Variants in TNFAIP8L3 observed in about 807,000 individuals in gnomAD.
TNFAIP8L3 encodes tumor necrosis factor alpha-induced protein 8-like protein 3.
In TNFAIP8L3, 7 loss-of-function variants were observed where a neutral mutation model predicts 11.8. The observed-to-expected ratio is 0.59, with a 90% CI of 0.34 to 1.11. The LOEUF (loss-of-function observed/expected upper bound fraction) is 1.11. Ranked by LOEUF, TNFAIP8L3 falls within the 50% of genes most tolerant of loss-of-function variation. The probability of loss-of-function intolerance (pLI) is 0.03; values close to 1 mark genes in which losing one functional copy is unlikely to be tolerated. For missense variants in TNFAIP8L3, 219 were observed against 258.6 expected (o/e 0.85, Z 1.05); for synonymous variants, 98 against 103.8 (o/e 0.94, Z 0.34).
chr15:51,078,320 G>C (rs1274404104), intron 1 of TNFAIP8L3, among the ~76,000 whole-genome samples: 1 of 150,886 alleles, frequency 6.6e-6, no homozygotes, highest in African/African-American at 2.4e-5. Flanking sequence ...TCTAAAGGCT[G>C]TTTCCGGGGG....
intron 1 of TNFAIP8L3, among the ~76,000 whole-genome samples, chr15:51,064,990 T>C (rs2065261182): frequency 6.6e-6 from 1 of 152,216 alleles, no homozygotes; most frequent in Non-Finnish European, 1.5e-5. Flanking sequence ...CTAGGAAAGC[T>C]CTTTTGGCCA....
At chr15:51,082,883 A>C (rs545938264) in intron 1 of TNFAIP8L3, among the ~76,000 whole-genome samples, 3 of 152,352 alleles carry the variant, frequency 2.0e-5, no homozygotes, top group Admixed American at 2.0e-4. Context: ...TATCACGTCC[A>C]AAATATCATT....
At chr15:51,096,031 AGAAT>A (rs1458433696), upstream of TNFAIP8L3, among the ~76,000 whole-genome samples, 1 of 152,244 alleles carries the variant, frequency 6.6e-6, no homozygotes, top group Non-Finnish European at 1.5e-5. Context: ...GCAAGTTCAT[AGAAT>A]TCAACTTATT....
chr15:51,079,428 T>A (rs1045346171), intron 1 of TNFAIP8L3, among the ~76,000 whole-genome samples: 46 of 152,240 alleles, frequency 3.0e-4, no homozygotes, highest in Admixed American at 6.5e-5. Flanking sequence ...GGCTTATTTA[T>A]CTGGGCAACT....
intron 1 of TNFAIP8L3, among the ~76,000 whole-genome samples, chr15:51,064,105 T>C (rs2065255893): frequency 6.6e-6 from 1 of 152,162 alleles, no homozygotes; most frequent in African/African-American, 2.4e-5. Context: ...GGAACCCAAA[T>C]GTTATGGACC....
At position 51,094,140 on chromosome 15, in the gene TNFAIP8L3, C is replaced by T. The variant is rs965102813; in HGVS notation, c.52+404G>A. The stretch of plus-strand genomic sequence containing the variant: ...CCCCAGTCACGTTCTTGGACCCAGT[C>T]ACCTGCGCCGCAGCGCAGTCCCGGC... On this transcript the variant is annotated intron_variant, in intron 1 of 1. Coordinates refer to ENST00000637513, the MANE Select transcript of TNFAIP8L3 (RefSeq NM_001311175.2). This position sits in a 1 kb window ranked among gnomAD's most constrained non-coding sequence, Gnocchi z 4.4. 6.6e-6 allele frequency among the ~76,000 whole-genome samples: 1 copy of T among 152,226 alleles called. No homozygotes were observed. The highest frequency in any genetic ancestry group is 6.5e-5 in the Admixed American group (1 of 15,290).
chr15:51,078,605 T>A (rs1250382532), intron 1 of TNFAIP8L3, among the ~76,000 whole-genome samples: 1 of 151,992 alleles, frequency 6.6e-6, no homozygotes, highest in Non-Finnish European at 1.5e-5. Context: ...CTGCCCCGCA[T>A]GTTCCCCAGT....
At chr15:51,089,630 A>G (rs1225066927) in intron 1 of TNFAIP8L3, among the ~76,000 whole-genome samples, 3 of 152,206 alleles carry the variant, frequency 2.0e-5, no homozygotes, top group African/African-American at 7.2e-5. Flanking sequence ...AAAACAAAAC[A>G]AAACACTGAG....
At chr15:51,069,605 A>G (rs1186154593) in intron 1 of TNFAIP8L3, 1 of 152,228 alleles carries the variant, frequency 6.6e-6, no homozygotes, top group Non-Finnish European at 1.5e-5. Context: ...GCACTGAGCA[A>G]TCTGTAACTC....
exon 1 of TNFAIP8L3, chr15:51,105,073 G>A (rs541768853): frequency 6.2e-7 from 1 of 1,614,176 alleles, no homozygotes; most frequent in African/African-American, 1.3e-5. Flanking sequence ...GGCATCCCTT[G>A]TGCCTTGGGT....
At position 51,094,781 on chromosome 15, in the gene TNFAIP8L3, C is replaced by G. The variant is rs1187466392; in HGVS notation, c.-186G>C. ...CGCAGAGGCGAGCGCCGCCGCGCCCCGCTCCCCGCGCCCGCCGGCCGGTGC... is the reference window on the plus strand; with the variant it reads ...CGCAGAGGCGAGCGCCGCCGCGCCCGGCTCCCCGCGCCCGCCGGCCGGTGC... On this transcript the variant is annotated 5_prime_UTR_variant, in exon 1 of 2. Coordinates refer to ENST00000637513, the MANE Select transcript of TNFAIP8L3 (RefSeq NM_001311175.2). This position sits in a 1 kb window ranked among gnomAD's most constrained non-coding sequence, Gnocchi z 4.4. 2.3e-6 allele frequency: 2 copies of G among 853,072 alleles called. No homozygotes were observed. The highest frequency in any genetic ancestry group is 1.8e-5 in the African/African-American group (1 of 54,136). The allele number at this position is 853,072 out of a possible 1,614,324, so 52.8% of individuals were successfully genotyped here. A position where few individuals can be genotyped will look rare whatever the true frequency, so the allele number is the denominator to read the frequency against.
chr15:51,080,042 A>T (rs1214009449), intron 1 of TNFAIP8L3, among the ~76,000 whole-genome samples: 1 of 152,094 alleles, frequency 6.6e-6, no homozygotes, highest in African/African-American at 2.4e-5. Flanking sequence ...TTACATGCTT[A>T]CACTGTTAAT....
chr15:51,089,044 G>A (rs1261570184), intron 1 of TNFAIP8L3, among the ~76,000 whole-genome samples: 2 of 152,216 alleles, frequency 1.3e-5, no homozygotes, highest in African/African-American at 4.8e-5. Flanking sequence ...AACTGAGGCT[G>A]TTGGGTCTAC....
intron 1 of TNFAIP8L3, among the ~76,000 whole-genome samples, chr15:51,074,322 T>C (rs367576768): frequency 1.3e-5 from 2 of 152,264 alleles, no homozygotes; most frequent in East Asian, 1.9e-4. Context: ...ACTACATCAT[T>C]GTTTTTTGAC....
chr15:51,074,037 A>G (rs2065332312), intron 1 of TNFAIP8L3, among the ~76,000 whole-genome samples: 1 of 152,228 alleles, frequency 6.6e-6, no homozygotes. Flanking sequence ...ATGCATATGT[A>G]TTTACTATAC....
chr15:51,087,147 C>T lies in TNFAIP8L3; in HGVS notation c.52+7397G>A, dbSNP rs1411743268. ...CCTCCCAAAGTGCTGGGATTACAGG[C>T]GTGAGCCACTGCACCCAGCTCACAA... On this transcript the variant is annotated intron_variant, in intron 1 of 1. Transcript: ENST00000637513. 3.4e-4 allele frequency among the ~76,000 whole-genome samples: 51 copies of T among 152,186 alleles called. 1 individual carries two copies. The highest frequency in any genetic ancestry group is 3.1e-3 in the Admixed American group (48 of 15,286).
At chr15:51,101,408 G>A (rs533072044) in intron 1 of TNFAIP8L3, among the ~76,000 whole-genome samples, 1 of 152,196 alleles carries the variant, frequency 6.6e-6, no homozygotes, top group African/African-American at 2.4e-5. Flanking sequence ...GATCACCTGA[G>A]GTCAAGAGTT....
At chr15:51,102,320 G>A (rs1187259651) in intron 1 of TNFAIP8L3, among the ~76,000 whole-genome samples, 1 of 152,184 alleles carries the variant, frequency 6.6e-6, no homozygotes, top group Non-Finnish European at 1.5e-5. Flanking sequence ...ATCTATGGAA[G>A]GGAAAATTGA....
chr15:51,095,302 C>T (rs986396167), upstream of TNFAIP8L3, among the ~76,000 whole-genome samples: 8 of 151,580 alleles, frequency 5.3e-5, no homozygotes, highest in African/African-American at 1.9e-4. Flanking sequence ...GGGGAGATGA[C>T]AGTTGGACTG....
Sources: allele counts gnomAD v4.1 joint callset (sites outside exome capture counted in the v4.1 genomes callset), GRCh38; gene constraint gnomAD v4.1.1; non-coding constraint Gnocchi (gnomAD v3.1); transcripts MANE v1.5; gene names NCBI Gene and HGNC (gene_info 2026-07-23, HGNC 2026-07-21).